The following GFOD2 variants were observed in gnomAD, a reference collection of about 807,000 sequenced individuals.
GFOD2 encodes glucose-fructose oxidoreductase domain-containing protein 2.
Under a neutral mutation model 24.6 loss-of-function variants are expected in GFOD2, and 9 were observed. The observed-to-expected ratio is 0.37, with a 90% CI of 0.22 to 0.64. The LOEUF (loss-of-function observed/expected upper bound fraction) is 0.64. Among genes scored for constraint, GFOD2 ranks in the 30% least tolerant of loss-of-function variants. The pLI is 0.65. For missense variants in GFOD2, 476 were observed against 532.5 expected, an observed-to-expected ratio of 0.89 and a Z score of 1.04; for synonymous variants, 211 against 224.8, an observed-to-expected ratio of 0.94 and a Z score of 0.55.
intron 1 of GFOD2, among the ~76,000 whole-genome samples, chr16:67,713,696 T>G (rs1159220821): frequency 6.6e-6 from 1 of 152,192 alleles, no homozygotes; most frequent in African/African-American, 2.4e-5. Flanking sequence ...GGGAAGGGGC[T>G]TGGAGCTTTC....
chr16:67,683,915 G>A, intron 2 of GFOD2: 2 of 1,105,572 alleles, frequency 1.8e-6, no homozygotes, highest in Non-Finnish European at 2.2e-6. Flanking sequence ...TGTGCTAGTT[G>A]AATTGTGACT....
intron 2 of GFOD2, chr16:67,684,992 G>C: frequency 4.9e-6 from 5 of 1,015,718 alleles, no homozygotes; most frequent in Non-Finnish European, 5.9e-6. Flanking sequence ...CAAGACTGCA[G>C]TTTGGCAGGA....
chr16:67,707,925 CT>C (rs1303386266), intron 1 of GFOD2, among the ~76,000 whole-genome samples: 1 of 152,018 alleles, frequency 6.6e-6, no homozygotes, highest in African/African-American at 2.4e-5. Context: ...TAGAATTCCA[CT>C]TTTTTGAAAT....
At chr16:67,688,626 C>T (rs1212780589) in intron 1 of GFOD2, among the ~76,000 whole-genome samples, 1 of 152,088 alleles carries the variant, frequency 6.6e-6, no homozygotes, top group Non-Finnish European at 1.5e-5. Context: ...ACCCTAGACC[C>T]ACTGAAACAG....
intron 1 of GFOD2, among the ~76,000 whole-genome samples, chr16:67,709,195 C>G (rs2053457116): frequency 6.6e-6 from 1 of 151,698 alleles, no homozygotes. Context: ...CCCAGCTACT[C>G]AGGAGAGGAG....
At chr16:67,691,624 C>T (rs1351876030) in intron 1 of GFOD2, among the ~76,000 whole-genome samples, 3 of 151,914 alleles carry the variant, frequency 2.0e-5, no homozygotes, top group Non-Finnish European at 2.9e-5. Context: ...TACATCTTCC[C>T]TCCTCTGTAA....
chr16:67,683,609 A>C, intron 2 of GFOD2: 4 of 1,231,810 alleles, frequency 3.2e-6, no homozygotes, highest in Non-Finnish European at 4.0e-6. Flanking sequence ...CAATAAGGCC[A>C]AAACTTACTT....
intron 1 of GFOD2, among the ~76,000 whole-genome samples, chr16:67,706,446 A>G (rs1413323988): frequency 6.6e-6 from 1 of 152,220 alleles, no homozygotes; most frequent in East Asian, 1.9e-4. Context: ...CATTAAATCA[A>G]TTCAATGGGG....
At chr16:67,706,851 T>C (rs2053442312) in intron 1 of GFOD2, among the ~76,000 whole-genome samples, 2 of 151,976 alleles carry the variant, frequency 1.3e-5, no homozygotes, top group African/African-American at 4.8e-5. Flanking sequence ...GGTCAGGAGA[T>C]TGAGACCATC....
At chr16:67,708,446 C>A (rs2053452657) in intron 1 of GFOD2, among the ~76,000 whole-genome samples, 1 of 152,168 alleles carries the variant, frequency 6.6e-6, no homozygotes, top group Non-Finnish European at 1.5e-5. Flanking sequence ...GCACTTTTCC[C>A]TGGGCAGTGT....
intron 1 of GFOD2, among the ~76,000 whole-genome samples, chr16:67,697,422 T>G (rs538294228): frequency 6.6e-6 from 1 of 152,314 alleles, no homozygotes; most frequent in Admixed American, 6.5e-5. Flanking sequence ...AGTAGAAATA[T>G]GAGGGTCATA....
In GFOD2 at chr16:67,678,985, T is replaced by C. The variant is rs1206637393; in HGVS notation, c.260-2932A>G. Among the ~76,000 whole-genome samples, 6 of 151,872 alleles carry C rather than the reference T, an allele frequency of 4.0e-5. No homozygotes were observed. In the East Asian group the frequency reaches 9.7e-4, roughly 24 times the overall value. ...GAGTTCAAAATCAGCCTGGGCAACA[T>C]AGCAAGACCTAGTATTTATTAAAAA... On this transcript the variant is annotated intron_variant, in intron 2 of 2. Transcript: ENST00000268797.
intron 1 of GFOD2, among the ~76,000 whole-genome samples, chr16:67,695,981 T>C (rs1027199276): frequency 5.3e-5 from 8 of 151,888 alleles, no homozygotes; most frequent in African/African-American, 1.5e-4. Context: ...TGGGTATATA[T>C]AGGGAATGTA....
chr16:67,685,349 C>A, intron 2 of GFOD2, 108 bp downstream of exon 2: 2 of 1,542,090 alleles, frequency 1.3e-6, no homozygotes. Context: ...GTTCTCCTCC[C>A]TGCAGATGCG....
In GFOD2 at chr16:67,685,223, C is replaced by T. The variant is rs975856023; in HGVS notation, c.259+234G>A. ...CCATCTCCAGCCCCTTGATGGCTGT[C>T]TCTTAGAGTATTTCCTTAATTTCTG... On this transcript the variant is annotated intron_variant, in intron 2 of 2. Transcript: ENST00000268797. The T allele has an allele frequency of 5.6e-6, 8 of 1,426,048 alleles. No homozygotes were observed. In the African/African-American group the frequency reaches 1.0e-4, roughly 18 times the overall value. The allele number at this position is 1,426,048 out of a possible 1,614,324, so 88.3% of individuals were successfully genotyped here. A position where few individuals can be genotyped will look rare whatever the true frequency, so the allele number is the denominator to read the frequency against.
chr16:67,710,575 G>C (rs1044039206), intron 1 of GFOD2, among the ~76,000 whole-genome samples: 24 of 150,802 alleles, frequency 1.6e-4, no homozygotes, highest in Middle Eastern at 6.9e-3. Flanking sequence ...TGTTAGCCAG[G>C]ATGGTCTCGA....
intron 2 of GFOD2, chr16:67,683,334 A>G: frequency 8.2e-7 from 1 of 1,220,350 alleles, no homozygotes; most frequent in Non-Finnish European, 1.0e-6. Flanking sequence ...AAAATTCAGG[A>G]AGAAGACTGA....
rs549843119 is a variant in GFOD2 at position 67,685,647 on chromosome 16, C to T, written c.69G>A (p.Leu23=). ...GSSARVLVPL[L]RAEGFTVEAL... ...CCTCAACAGTGAACCCTTCTGCCCT[C>T]AGCAGTGGGACCAGAACTCGGGCGG... Residue 23 remains leucine (L), a synonymous_variant, in exon 2 of 3, where the codon CTG becomes CTA. Coordinates refer to ENST00000268797, the MANE Select transcript of GFOD2 (RefSeq NM_030819.4). 2 of 1,614,182 alleles carry T rather than the reference C, an allele frequency of 1.2e-6. No homozygotes were observed. The highest frequency in any genetic ancestry group is 2.2e-5 in the East Asian group (1 of 44,874).
chr16:67,691,456 T>C (rs2053312256), intron 1 of GFOD2, among the ~76,000 whole-genome samples: 1 of 150,252 alleles, frequency 6.7e-6, no homozygotes, highest in South Asian at 2.1e-4. Flanking sequence ...GATCTGCCCA[T>C]CCTGGCCTCC....
Sources: allele counts gnomAD v4.1 joint callset (sites outside exome capture counted in the v4.1 genomes callset), GRCh38; gene constraint gnomAD v4.1.1; transcripts MANE v1.5; gene names NCBI Gene and HGNC (gene_info 2026-07-23, HGNC 2026-07-21).